KLRG2: variants seen among roughly 807,000 people sequenced by gnomAD.
The protein encoded by KLRG2 is killer cell lectin like receptor G2.
KLRG2 carries 39 observed loss-of-function variants against 35.4 expected under a neutral mutation model. The observed-to-expected ratio is 1.10, with a 90% CI of 0.85 to 1.44. The LOEUF is 1.44. KLRG2 is among the 40% of genes most tolerant of loss of function. The pLI is 0.00. For missense variants in KLRG2, 632 were observed against 570.9 expected (o/e 1.11, Z -1.09); for synonymous variants, 283 against 265.8 (o/e 1.06, Z -0.63).
chr7:139,460,248 G>T (rs995247327), intron 3 of KLRG2, among the ~76,000 whole-genome samples: 3 of 152,232 alleles, frequency 2.0e-5, no homozygotes, highest in African/African-American at 7.2e-5. Context: ...TGCCATGGGG[G>T]TTGCGAGGGG....
Position 139,483,091 on chromosome 7 carries a change from G to C in KLRG2, c.552C>G (p.Arg184=). 1.4e-6 allele frequency: 2 copies of C among 1,429,388 alleles called. No individual in the cohort carries two copies. Among genetic ancestry groups the C allele is most frequent in the East Asian group, 3.0e-5 (1 of 32,984 alleles). 88.5% of individuals were successfully genotyped at this position (1,429,388 alleles called of 1,614,324 possible). Residue 184 remains arginine (R), a synonymous_variant, in exon 1 of 5, where the codon CGC becomes CGG. Transcript: ENST00000340940. ...RAPSQGGTWG[R]RSPLAAARTE... is the part of the protein sequence containing the mutation. ...TCCGGGCTGCAGCCAGCGGCGAGCG[G>C]CGGCCCCACGTGCCGCCCTGGGATG...
At chr7:139,454,247 G>T in intron 3 of KLRG2, 33 bp from the exon 4 acceptor site, 2 of 1,079,750 alleles carry the variant, frequency 1.9e-6, no homozygotes, top group South Asian at 1.3e-5. Flanking sequence ...TCACTCCCCT[G>T]GACACTGGCG....
intron 3 of KLRG2, among the ~76,000 whole-genome samples, chr7:139,466,942 C>T (rs1423344466): frequency 6.6e-6 from 1 of 151,716 alleles, no homozygotes; most frequent in Non-Finnish European, 1.5e-5. Context: ...TGTCCTGGGC[C>T]CTCCCAATTC....
the KLRG2 span, among the ~76,000 whole-genome samples, chr7:139,446,348 T>TG: frequency 6.8e-6 from 1 of 146,774 alleles, no homozygotes; most frequent in Non-Finnish European, 1.5e-5. Flanking sequence ...TTTTTTTTTT[T>TG]TTTTTTTTTT....
chr7:139,470,677 G>A (rs891910341), intron 3 of KLRG2, among the ~76,000 whole-genome samples: 1 of 152,136 alleles, frequency 6.6e-6, no homozygotes, highest in Non-Finnish European at 1.5e-5. Flanking sequence ...TGTGGTCCCA[G>A]CTACTTGGGA....
At chr7:139,458,358 AGAGAGC>A (rs1276704623) in intron 3 of KLRG2, among the ~76,000 whole-genome samples, 1 of 152,088 alleles carries the variant, frequency 6.6e-6, no homozygotes, top group East Asian at 1.9e-4. Context: ...AGCCTGGGTG[AGAGAGC>A]AAGAGATCCT....
At chr7:139,436,336 G>A in the KLRG2 span, among the ~76,000 whole-genome samples, 1 of 150,336 alleles carries the variant, frequency 6.7e-6, no homozygotes, top group Non-Finnish European at 1.5e-5. Context: ...ACTGTCTAGG[G>A]AACCCCCCCC....
At chr7:139,440,832 C>T in the KLRG2 span, among the ~76,000 whole-genome samples, 1 of 152,180 alleles carries the variant, frequency 6.6e-6, no homozygotes, top group African/African-American at 2.4e-5. Context: ...TTTTGGGGGA[C>T]ACAATTCAAT....
chr7:139,453,511 C>T lies in KLRG2; in HGVS notation c.*76G>A, dbSNP rs1479584980. On this transcript the variant is annotated 3_prime_UTR_variant, in exon 5 of 5. Coordinates refer to ENST00000340940, the MANE Select transcript of KLRG2 (RefSeq NM_198508.4). ...GATAACTGGGTCCAGGAAGAGGCTG[C>T]CCAAGCTCTCAACTGGCCTCCCCTG... 2 of 1,492,292 alleles carry T rather than the reference C, an allele frequency of 1.3e-6. No homozygotes were observed. The highest frequency in any genetic ancestry group is 4.9e-5 in the East Asian group (2 of 40,602). 92.4% of individuals were successfully genotyped at this position (1,492,292 alleles called of 1,614,324 possible). A position where few individuals can be genotyped will look rare whatever the true frequency, so the allele number is the denominator to read the frequency against.
downstream of KLRG2, among the ~76,000 whole-genome samples, chr7:139,449,262 C>A (rs1488360194): frequency 6.8e-6 from 1 of 147,566 alleles, no homozygotes; most frequent in Non-Finnish European, 1.5e-5. Context: ...ATTAGCCCAG[C>A]ATGGTGGCGG....
chr7:139,455,269 T>G (rs1487097245), intron 3 of KLRG2, among the ~76,000 whole-genome samples: 1 of 152,104 alleles, frequency 6.6e-6, no homozygotes. Context: ...TCTGTCCATT[T>G]TAGCCTCCCA....
At position 139,483,607 on chromosome 7, in the gene KLRG2, T is replaced by C; in HGVS notation, c.36A>G (p.Gln12=). The change falls in exon 1 of 5, where the codon CAA becomes CAG. Residue 12 remains glutamine, a synonymous_variant. Transcript: ENST00000340940. ...GCTCCATTGGGAGCTCTGCCCCGGC[T>C]TGGCCTCCGGGCGCAGCCTCCCAAG... ...EESWEAAPGG[Q]AGAELPMEPV... is the part of the protein sequence containing the mutation. 3 of 1,583,994 alleles carry C rather than the reference T, an allele frequency of 1.9e-6. No individual in the cohort carries two copies. Among genetic ancestry groups the C allele is most frequent in the Middle Eastern group, 1.7e-4 (1 of 5,782 alleles).
At position 139,483,174 on chromosome 7, in the gene KLRG2, C is replaced by T; in HGVS notation, c.469G>A (p.Glu157Lys). 4 of 1,503,884 alleles carry T rather than the reference C, an allele frequency of 2.7e-6. No homozygotes were observed. Among genetic ancestry groups the T allele is most frequent in the Non-Finnish European group, 3.5e-6 (4 of 1,133,802 alleles). The allele number at this position is 1,503,884 out of a possible 1,614,324, so 93.2% of individuals were successfully genotyped here. The change falls in exon 1 of 5, where the codon GAG (glutamate) becomes AAG (lysine). Residue 157 changes from glutamate (E) to lysine (K), a missense_variant. Glu to Lys is a moderately conservative substitution (Grantham distance 56, BLOSUM62 1). Transcript: ENST00000340940. The stretch of plus-strand genomic sequence containing the variant: ...GCGTGGCGGGAGAAGGCAGGGGACT[C>T]GGGCACCGGCACCTTGAGGAAGCGC... ...STRFLKVPVPESPAFSRHADP... is the reference protein window; with the variant it reads ...STRFLKVPVPKSPAFSRHADP...
chr7:139,475,944 G>A (rs535129621), intron 3 of KLRG2, among the ~76,000 whole-genome samples: 2 of 149,062 alleles, frequency 1.3e-5, no homozygotes, highest in African/African-American at 2.5e-5. Context: ...CCACTGCTTC[G>A]TGGGTAAGAG....
rs191251031 is a variant in KLRG2, at chr7:139,473,114, T to C, written c.1005+6513A>G. On this transcript the variant is annotated intron_variant, in intron 3 of 4. Transcript: ENST00000340940. ...CTGGCCAACATGGCAAAACACCGTC[T>C]CTACAAACATACAAAAATTAGCTGT... Among the ~76,000 whole-genome samples, 76 of 152,246 alleles carry C rather than the reference T, an allele frequency of 5.0e-4. 1 individual carries two copies. Among genetic ancestry groups the C allele is most frequent in the African/African-American group, 1.8e-3 (73 of 41,542 alleles).
chr7:139,442,810 CAG>C, the KLRG2 span, among the ~76,000 whole-genome samples: 1 of 152,080 alleles, frequency 6.6e-6, no homozygotes, highest in Non-Finnish European at 1.5e-5. Context: ...GTCTGGGTGA[CAG>C]AGCGAGACCC....
chr7:139,480,278 T>C (rs768546510), intron 1 of KLRG2, 31 bp from the exon 2 acceptor site: 9 of 1,293,968 alleles, frequency 7.0e-6, no homozygotes, highest in Non-Finnish European at 9.0e-6. Flanking sequence ...ATAATCAGAT[T>C]AGTGGAGACC....
chr7:139,475,904 G>A (rs1393644082), intron 3 of KLRG2, among the ~76,000 whole-genome samples: 3 of 151,382 alleles, frequency 2.0e-5, no homozygotes, highest in African/African-American at 7.3e-5. Flanking sequence ...CATCAGAATT[G>A]AATTAAATTA....
intron 3 of KLRG2, among the ~76,000 whole-genome samples, chr7:139,462,106 T>G (rs567061606): frequency 3.3e-5 from 5 of 152,302 alleles, no homozygotes; most frequent in Admixed American, 2.6e-4. Context: ...TCAGTGCCTT[T>G]CCTTTTCTGG....
Sources: gnomAD v4.1 joint callset for allele counts (sites outside exome capture counted in the v4.1 genomes callset) on GRCh38, gnomAD v4.1.1 for gene constraint, MANE v1.5 for transcripts, NCBI Gene and HGNC (gene_info 2026-07-23, HGNC 2026-07-21) for gene names.